GAK: variants seen among roughly 807,000 people sequenced by gnomAD.
GAK encodes cyclin-G-associated kinase.
A neutral mutation model predicts 143.9 loss-of-function variants in GAK; 79 were observed. That is an observed-to-expected ratio of 0.55 (90% CI 0.46 to 0.66). The LOEUF is 0.66. Ranked by LOEUF, GAK falls within the 30% of genes least tolerant of loss-of-function variation. GAK has a pLI of 0.00. For synonymous variants in GAK, 881 were observed against 765.5 expected (o/e 1.15, Z -2.49); for missense variants, 1,693 against 1,779.7 (o/e 0.95, Z 0.88).
Position 898,176 on chromosome 4 carries a change from A to G in GAK, c.526-18T>C, listed in dbSNP as rs1719168409. The G allele has an allele frequency of 2.5e-6, 4 of 1,613,402 alleles. No homozygotes were observed. Among genetic ancestry groups the G allele is most frequent in the Non-Finnish European group, 2.5e-6 (3 of 1,179,442 alleles). The stretch of plus-strand genomic sequence containing the variant: ...TTCTCAACCTGTAAAATTCCACAAG[A>G]CAGCCCCGTGAACTTGGCGTAGACA... On this transcript the variant is annotated intron_variant, in intron 5 of 27. Coordinates refer to ENST00000314167, the MANE Select transcript of GAK (RefSeq NM_005255.4).
intron 10 of GAK, 131 bp from the exon 11 acceptor site, chr4:889,101 T>C: frequency 1.7e-6 from 2 of 1,196,044 alleles, no homozygotes; most frequent in Non-Finnish European, 1.1e-6. Context: ...CCTCCCCAGG[T>C]GCAGGTTGCT....
intron 21 of GAK, among the ~76,000 whole-genome samples, 161 bp downstream of exon 21, chr4:866,795 C>A (rs1751265951): frequency 6.6e-6 from 1 of 152,184 alleles, no homozygotes; most frequent in Non-Finnish European, 1.5e-5. Context: ...GTGGGCAGCA[C>A]AGAACCCTGA....
In GAK at chr4:878,215, CCTCT is replaced by C. The variant is rs758049923; in HGVS notation, c.1662-410_1662-407del. 4.9e-4 allele frequency among the ~76,000 whole-genome samples: 75 copies of C among 152,070 alleles called. 1 individual carries two copies. The highest frequency in any genetic ancestry group is 6.5e-4 in the Admixed American group (10 of 15,268). On this transcript the variant is annotated intron_variant, in intron 15 of 27. Transcript: ENST00000314167. ...ACCAGCCTGGGCAACACGGTGAAAC[CCTCT>C]CTCTACTAAAAATGCAAAAATCAGC...
At chr4:864,546 C>T (rs1750811685) in intron 23 of GAK, among the ~76,000 whole-genome samples, 2 of 152,226 alleles carry the variant, frequency 1.3e-5, no homozygotes, top group Admixed American at 1.3e-4. Context: ...CTACCAGACG[C>T]CGCGGGAGGG....
intron 5 of GAK, among the ~76,000 whole-genome samples, chr4:902,604 A>AC (rs1720109974): frequency 6.7e-6 from 1 of 149,650 alleles, no homozygotes; most frequent in South Asian, 2.1e-4. Flanking sequence ...CTCAAAAAAA[A>AC]AAAAAAAAAA....
chr4:883,340 T>C lies in GAK; in HGVS notation c.1379A>G (p.Tyr460Cys), dbSNP rs1025126108. 3 of 1,613,344 alleles carry C rather than the reference T, an allele frequency of 1.9e-6. No individual in the cohort carries two copies. The highest frequency in any genetic ancestry group is 2.7e-5 in the African/African-American group (2 of 74,922). The part of the protein sequence containing the change: ...YAVYNLSPRT[Y>C]RPSRFHNRVS... The stretch of plus-strand genomic sequence containing the variant: ...CCGGTTGTGGAACCTGGAGGGCCGG[T>C]AGGTCCTCGGGGACAGGTTGTAGAC... Residue 460 changes from tyrosine (Y) to cysteine (C), a missense_variant, in exon 13 of 28, where the codon TAC becomes TGC. Tyr to Cys is a radical substitution (Grantham distance 194). Transcript: ENST00000314167.
chr4:911,059 G>T (rs900678447), intron 4 of GAK, among the ~76,000 whole-genome samples: 1 of 151,816 alleles, frequency 6.6e-6, no homozygotes, highest in Non-Finnish European at 1.5e-5. Flanking sequence ...AGAACTCTCC[G>T]AAAGCACCAC....
chr4:909,401 G>A (rs999917652), intron 4 of GAK, among the ~76,000 whole-genome samples: 10 of 152,214 alleles, frequency 6.6e-5, no homozygotes, highest in Non-Finnish European at 1.3e-4. Context: ...CACCTCAACC[G>A]AACACACACA....
intron 5 of GAK, among the ~76,000 whole-genome samples, chr4:900,170 C>A (rs1483669384): frequency 2.6e-5 from 4 of 152,240 alleles, no homozygotes; most frequent in African/African-American, 9.6e-5. Flanking sequence ...CGAAGCTGTG[C>A]GCACAGCAGG....
rs769269677 is a variant in GAK at position 932,212 on chromosome 4, G to A, written c.-25C>T. The A allele has an allele frequency of 6.6e-7, 1 of 1,514,790 alleles. No homozygotes were observed. The highest frequency in any genetic ancestry group is 1.4e-5 in the African/African-American group (1 of 69,362). The allele number at this position is 1,514,790 out of a possible 1,614,324, so 93.8% of individuals were successfully genotyped here. A position where few individuals can be genotyped will look rare whatever the true frequency, so the allele number is the denominator to read the frequency against. ...TGGCGGTGGCTGCGCCGCACCCCGC[G>A]GCAGCCGGAGTGGTCGGGCTCGGGC... On this transcript the variant is annotated 5_prime_UTR_variant, in exon 1 of 28. Transcript: ENST00000314167. This position sits in a 1 kb window ranked among gnomAD's most constrained non-coding sequence, Gnocchi z 4.0.
chr4:913,547 C>A, intron 2 of GAK, 60 bp downstream of exon 2: 2 of 1,302,726 alleles, frequency 1.5e-6, no homozygotes, highest in South Asian at 1.2e-5. Context: ...AAAAGACTGT[C>A]ACCAGACAGT....
chr4:908,157 C>T (rs1721414649), intron 4 of GAK, among the ~76,000 whole-genome samples: 1 of 152,182 alleles, frequency 6.6e-6, no homozygotes, highest in Admixed American at 6.5e-5. Flanking sequence ...GGGAGATAAT[C>T]AGCAAAACAT....
At chr4:898,882 G>A (rs1349407118) in intron 5 of GAK, among the ~76,000 whole-genome samples, 2 of 151,998 alleles carry the variant, frequency 1.3e-5, no homozygotes, top group Non-Finnish European at 2.9e-5. Flanking sequence ...AAAGTATACA[G>A]AGACACAAAG....
intron 24 of GAK, chr4:853,204 G>C (rs981904789): frequency 6.6e-6 from 1 of 152,218 alleles, no homozygotes; most frequent in East Asian, 1.9e-4. Context: ...TAGGGCTCGG[G>C]GCATCCGCCA....
At chr4:870,485 A>G (rs1403046057) in intron 19 of GAK, among the ~76,000 whole-genome samples, 3 of 152,120 alleles carry the variant, frequency 2.0e-5, no homozygotes, top group African/African-American at 4.8e-5. Context: ...GTCCCTGCCC[A>G]TGGGCCTCAG....
chr4:863,211 G>C (rs906114011), intron 23 of GAK, among the ~76,000 whole-genome samples: 46 of 152,354 alleles, frequency 3.0e-4, no homozygotes, highest in African/African-American at 9.4e-4. Context: ...AGATGTGGTG[G>C]AAACAGCAAG....
intron 5 of GAK, among the ~76,000 whole-genome samples, chr4:903,459 G>A (rs369846845): frequency 1.1e-4 from 16 of 152,206 alleles, no homozygotes; most frequent in Admixed American, 4.6e-4. Context: ...GCAGAGGAGC[G>A]CCAGGCTTCC....
At position 866,457 on chromosome 4, in the gene GAK, A is replaced by G. The variant is rs765824998; in HGVS notation, c.2950T>C (p.Phe984Leu). The G allele has an allele frequency of 6.2e-7, 1 of 1,614,024 alleles. No homozygotes were observed. Among genetic ancestry groups the G allele is most frequent in the African/African-American group, 1.3e-5 (1 of 74,934 alleles). ...PCSNPDLFGE[F>L]LNSDSVTVPP... ...ACGGTCACAGAGTCCGAATTGAGAAATTCGCCGAAGAGATCAGGATTGGAG... is the reference window on the plus strand; with the variant it reads ...ACGGTCACAGAGTCCGAATTGAGAAGTTCGCCGAAGAGATCAGGATTGGAG... Residue 984 changes from phenylalanine to leucine, a missense_variant, in exon 22 of 28, where the codon TTT becomes CTT. Transcript: ENST00000314167.
intron 3 of GAK, 170 bp downstream of exon 3, chr4:912,565 T>C (rs1453223987): frequency 1.8e-6 from 1 of 549,356 alleles, no homozygotes; most frequent in Non-Finnish European, 3.3e-6. Flanking sequence ...AAAAAACTGC[T>C]TCTTCCTAGA....
Sources: gnomAD v4.1 joint callset for allele counts (sites outside exome capture counted in the v4.1 genomes callset) on GRCh38, gnomAD v4.1.1 for gene constraint, Gnocchi (gnomAD v3.1) non-coding constraint, MANE v1.5 for transcripts, NCBI Gene and HGNC (gene_info 2026-07-23, HGNC 2026-07-21) for gene names.